HMCN1: variants seen among roughly 807,000 people sequenced by gnomAD.
HMCN1 encodes the protein hemicentin 1, also known as hemicentin-1.
A neutral mutation model predicts 625.9 loss-of-function variants in HMCN1; 321 were observed. That is an observed-to-expected ratio of 0.51 (90% CI 0.47 to 0.56). The LOEUF (loss-of-function observed/expected upper bound fraction) is 0.56. Ranked by LOEUF, HMCN1 falls within the 20% of genes least tolerant of loss-of-function variation. The pLI is 0.00. For missense variants in HMCN1, 6,588 were observed against 6,887.3 expected (o/e 0.96, Z 1.54); for synonymous variants, 2,425 against 2,417.6 (o/e 1.00, Z -0.09).
chr1:186,093,022 T>C, intron 64 of HMCN1, 112 bp from the exon 65 acceptor site: 1 of 1,404,216 alleles, frequency 7.1e-7, no homozygotes, highest in Non-Finnish European at 1.0e-6. Flanking sequence ...GAATTTCAGT[T>C]GGTTGCTTGA....
chr1:185,793,891 G>A (rs1043038530), intron 1 of HMCN1, among the ~76,000 whole-genome samples: 18 of 152,128 alleles, frequency 1.2e-4, no homozygotes, highest in Admixed American at 6.5e-5. Context: ...CCTAAAAAAC[G>A]ACTCACAGTT....
chr1:185,882,350 GTT>G (rs11377397), intron 4 of HMCN1, among the ~76,000 whole-genome samples: 10 of 143,680 alleles, frequency 7.0e-5, no homozygotes, highest in Non-Finnish European at 1.4e-4. Flanking sequence ...AGAAATGAAT[GTT>G]TTTTTTTTTT....
chr1:185,842,474 G>C (rs1045963139), intron 1 of HMCN1, among the ~76,000 whole-genome samples: 1 of 152,040 alleles, frequency 6.6e-6, no homozygotes, highest in Non-Finnish European at 1.5e-5. Flanking sequence ...GAGGCAGGAG[G>C]ATTGCTTGAG....
chr1:185,867,809 G>A (rs1021446885), intron 4 of HMCN1, among the ~76,000 whole-genome samples: 2 of 152,162 alleles, frequency 1.3e-5, no homozygotes, highest in Admixed American at 6.5e-5. Flanking sequence ...AGTGGCTCAC[G>A]CCTGTAATCA....
intron 11 of HMCN1, 97 bp from the exon 12 acceptor site, chr1:185,962,421 A>G: frequency 1.1e-6 from 1 of 941,652 alleles, no homozygotes; most frequent in Non-Finnish European, 1.8e-6. Context: ...GGCAATAAAG[A>G]TGTGGTGGTG....
Position 186,027,545 on chromosome 1 carries a change from C to T in HMCN1, c.5749+4392C>T, listed in dbSNP as rs936505267. ...CTGCAGGATAAAAACGTACATTCCT[C>T]ATCTGTAAAATGGGAAGGATAGAGA... On this transcript the variant is annotated intron_variant, in intron 36 of 106. Coordinates refer to ENST00000271588, the MANE Select transcript of HMCN1 (RefSeq NM_031935.3). Among the ~76,000 whole-genome samples the T allele has an allele frequency of 9.2e-5, 14 of 152,256 alleles. No individual in the cohort carries two copies. The East Asian group carries it at 2.7e-3, about 29-fold the overall frequency.
rs191718592 is a variant in HMCN1, at chr1:185,980,054, T to G, written c.2567-924T>G. 1.3e-3 allele frequency among the ~76,000 whole-genome samples: 202 copies of G among 152,288 alleles called. 2 individuals are homozygous for G. Among genetic ancestry groups the G allele is most frequent in the African/African-American group, 4.7e-3 (196 of 41,556 alleles). On this transcript the variant is annotated intron_variant, in intron 16 of 106. Transcript: ENST00000271588. Reference sequence around the variant, plus strand: ...CCAATACCCTCTTTAATTACAAATATTTTGTAATATCATTTTATTATCTTG... The same window carrying G: ...CCAATACCCTCTTTAATTACAAATAGTTTGTAATATCATTTTATTATCTTG...
intron 46 of HMCN1, among the ~76,000 whole-genome samples, chr1:186,060,227 A>G (rs1406169154): frequency 6.6e-6 from 1 of 152,162 alleles, no homozygotes; most frequent in Non-Finnish European, 1.5e-5. Flanking sequence ...TTACATAAAC[A>G]GAAAACAGAT....
At position 186,121,894 on chromosome 1, in the gene HMCN1, T is replaced by C. The variant is rs150179775; in HGVS notation, c.12230-1057T>C. Among the ~76,000 whole-genome samples, 8 of 152,150 alleles carry C rather than the reference T, an allele frequency of 5.3e-5. No individual in the cohort carries two copies. In the East Asian group the frequency reaches 1.2e-3, roughly 22 times the overall value. On this transcript the variant is annotated intron_variant, in intron 80 of 106. Coordinates refer to ENST00000271588, the MANE Select transcript of HMCN1 (RefSeq NM_031935.3). ...TACAATGGAGAGGGCAGGGATATCG[T>C]TGGAAAACTTAATGAAGGCTAGGGA...
Position 185,923,611 on chromosome 1 carries a change from T to C in HMCN1, c.1243T>C (p.Phe415Leu). ...AGGCTATGATAAAGATGATTACCTC[T>C]TCCAGAGAGTATCAAGTGTTTCCTT... ...VTGYDKDDYL[F>L]QRVSSVSFSS... is the part of the protein sequence containing the mutation. Residue 415 changes from phenylalanine to leucine, a missense_variant, in exon 8 of 107, where the codon TTC becomes CTC. This residue lies in a region of HMCN1 where 4,628 missense variants were observed against 4,853.1 expected (regional missense o/e 0.95). Coordinates refer to ENST00000271588, the MANE Select transcript of HMCN1 (RefSeq NM_031935.3). The C allele has an allele frequency of 6.2e-7, 1 of 1,608,190 alleles. No homozygotes were observed.
chr1:185,781,037 G>A (rs1657054003), intron 1 of HMCN1, among the ~76,000 whole-genome samples: 1 of 152,156 alleles, frequency 6.6e-6, no homozygotes, highest in Non-Finnish European at 1.5e-5. Context: ...CCTGTTATTG[G>A]TCTATTCAGA....
At chr1:186,176,068 G>T (rs753092950) in intron 103 of HMCN1, among the ~76,000 whole-genome samples, 4 of 152,054 alleles carry the variant, frequency 2.6e-5, no homozygotes, top group East Asian at 1.9e-4. Flanking sequence ...ATGAATTAAA[G>T]AATTTGGTTT....
intron 46 of HMCN1, among the ~76,000 whole-genome samples, chr1:186,058,703 C>T (rs1159883886): frequency 6.6e-6 from 1 of 151,942 alleles, no homozygotes; most frequent in Non-Finnish European, 1.5e-5. Flanking sequence ...GATTATTTAG[C>T]TTGCTTAAAA....
chr1:186,146,577 G>A (rs1047271433), intron 93 of HMCN1, among the ~76,000 whole-genome samples: 1 of 152,078 alleles, frequency 6.6e-6, no homozygotes, highest in African/African-American at 2.4e-5. Flanking sequence ...AAAGCTTTAA[G>A]GTCTTCTTAG....
At chr1:186,050,951 A>ACC (rs1364701907) in intron 42 of HMCN1, among the ~76,000 whole-genome samples, 1 of 152,032 alleles carries the variant, frequency 6.6e-6, no homozygotes, top group East Asian at 1.9e-4. Context: ...TTATGTAGAA[A>ACC]AGCATATGAG....
Position 186,041,088 on chromosome 1 carries a change from G to A in HMCN1, c.6256G>A (p.Val2086Met), listed in dbSNP as rs1182711860. 6.2e-7 allele frequency: 1 copy of A among 1,613,032 alleles called. No homozygotes were observed. The highest frequency in any genetic ancestry group is 1.1e-5 in the South Asian group (1 of 91,066). Residue 2086 changes from valine to methionine, a missense_variant, in exon 40 of 107, where the codon GTG becomes ATG. This residue lies in a region of HMCN1 where 4,628 missense variants were observed against 4,853.1 expected (regional missense o/e 0.95). Transcript: ENST00000271588. The part of the protein sequence containing the change: ...SDTGRYTCVA[V>M]NAAGEKQRDI... The stretch of plus-strand genomic sequence containing the variant: ...CACAGGAAGGTACACCTGCGTGGCA[G>A]TGAATGCTGCTGGAGAAAAGCAAAG...
At chr1:185,744,890 A>T (rs1310044797) in intron 1 of HMCN1, among the ~76,000 whole-genome samples, 1 of 152,138 alleles carries the variant, frequency 6.6e-6, no homozygotes, top group Non-Finnish European at 1.5e-5. Context: ...TATCTCCTGG[A>T]TGGATTGGAA....
chr1:185,926,053 A>G (rs1463258984), intron 9 of HMCN1, among the ~76,000 whole-genome samples: 1 of 152,210 alleles, frequency 6.6e-6, no homozygotes, highest in Non-Finnish European at 1.5e-5. Flanking sequence ...TTTTTTAGAC[A>G]AATACTAGTA....
At chr1:185,735,834 C>A (rs983970890) in intron 1 of HMCN1, among the ~76,000 whole-genome samples, 4 of 152,154 alleles carry the variant, frequency 2.6e-5, no homozygotes, top group Non-Finnish European at 5.9e-5. Flanking sequence ...TTATAGGAGC[C>A]CCCATTGCCA....
Sources: gnomAD v4.1 joint callset for allele counts (sites outside exome capture counted in the v4.1 genomes callset) on GRCh38, gnomAD v4.1.1 for gene constraint, gnomAD v4.1.1 regional missense constraint, MANE v1.5 for transcripts, NCBI Gene and HGNC (gene_info 2026-07-23, HGNC 2026-07-21) for gene names.